MID1: variants seen among roughly 807,000 people sequenced by gnomAD.
The protein encoded by MID1 is midline 1.
In MID1, 7 loss-of-function variants were observed where a neutral mutation model predicts 40.4. The observed-to-expected ratio is 0.17, with a 90% confidence interval of 0.10 to 0.33. The LOEUF is 0.33. Ranked by LOEUF, MID1 falls within the 10% of genes least tolerant of loss-of-function variation. The pLI is 1.00. For synonymous variants in MID1, 229 were observed against 221.2 expected (o/e 1.04, Z -0.31); for missense variants, 367 against 558.5 (o/e 0.66, Z 3.46).
chrX:10,507,785 C>T (rs192940242), intron 3 of MID1, among the ~76,000 whole-genome samples: 1 of 112,635 alleles, frequency 8.9e-6, no homozygotes, highest in African/African-American at 3.2e-5. Context: ...CAAACACTCT[C>T]CTCTTGCAAA....
intron 1 of MID1, among the ~76,000 whole-genome samples, chrX:10,782,886 G>C (rs978704387): frequency 4.5e-5 from 5 of 111,431 alleles, no homozygotes; most frequent in Admixed American, 9.6e-5. Context: ...TGTTAGACAA[G>C]CAGAATTGCA....
intron 5 of MID1, among the ~76,000 whole-genome samples, chrX:10,475,363 G>A (rs986462041): frequency 4.5e-5 from 5 of 112,184 alleles, no homozygotes; most frequent in African/African-American, 1.6e-4. Flanking sequence ...AGCAGATGCT[G>A]TGGAAAATAT....
intron 3 of MID1, among the ~76,000 whole-genome samples, chrX:10,504,778 A>G (rs1931743809): frequency 9.1e-6 from 1 of 109,591 alleles, no homozygotes; most frequent in Non-Finnish European, 1.9e-5. Context: ...TTTTTTTGTA[A>G]AGGCCTAGAT....
chrX:10,669,310 C>G lies in MID1; in HGVS notation c.-186-48891G>C, dbSNP rs771477774. Among the ~76,000 whole-genome samples, 4 of 104,964 alleles carry G rather than the reference C, an allele frequency of 3.8e-5. No individual in the cohort carries two copies. In the East Asian group the frequency reaches 9.9e-4, roughly 26 times the overall value. The allele number at this position is 104,964 out of a possible 115,157, so 91.1% of individuals were successfully genotyped here. On this transcript the variant is annotated intron_variant, in intron 1 of 10. Coordinates refer to the MID1 transcript ENST00000380785. ...TGGTGGATGAATAAATCTGAACAAA[C>G]TTTCCCTTTCAACATCATAGTCAGT... is the stretch of plus-strand genomic sequence containing the variant.
At chrX:10,624,695 CA>C (rs919377570), upstream of MID1, among the ~76,000 whole-genome samples, 6 of 111,996 alleles carry the variant, frequency 5.4e-5, no homozygotes, top group African/African-American at 1.9e-4. Flanking sequence ...ACTGCACCCT[CA>C]ACCGTCTGGA....
chrX:10,606,042 C>G (rs1375172806), intron 1 of MID1, among the ~76,000 whole-genome samples: 2 of 111,621 alleles, frequency 1.8e-5, no homozygotes, highest in Non-Finnish European at 3.8e-5. Context: ...TTCATGATAA[C>G]TACTATCCAA....
At chrX:10,681,074 A>AATG (rs1555914640) in intron 1 of MID1, among the ~76,000 whole-genome samples, 12 of 101,295 alleles carry the variant, frequency 1.2e-4, no homozygotes, top group South Asian at 4.6e-4. Context: ...TAATAATAAT[A>AATG]ATGCTACACA....
chrX:10,552,159 T>A (rs1403955373), intron 2 of MID1, among the ~76,000 whole-genome samples: 1 of 76,479 alleles, frequency 1.3e-5, no homozygotes, highest in African/African-American at 5.9e-5. Flanking sequence ...CATGCAATTA[T>A]GAAGGAGTGG....
rs750976392 is a variant in MID1, at chrX:10,532,134, T to G, written c.661-8947A>C. ...CTCTCTGGCAGCCCTCTCTGCTCATTTGCCCTTGTTCAACTTCTGAATCCT... is the reference window on the plus strand; with the variant it reads ...CTCTCTGGCAGCCCTCTCTGCTCATGTGCCCTTGTTCAACTTCTGAATCCT... On this transcript the variant is annotated intron_variant, in intron 2 of 9. Coordinates refer to ENST00000317552, the MANE Select transcript of MID1 (RefSeq NM_000381.4). 2.7e-5 allele frequency among the ~76,000 whole-genome samples: 3 copies of G among 111,836 alleles called. No homozygotes were observed. In the East Asian group the frequency reaches 8.5e-4, roughly 32 times the overall value.
At chrX:10,822,853 A>G (rs1219495788) in intron 1 of MID1, among the ~76,000 whole-genome samples, 1 of 112,132 alleles carries the variant, frequency 8.9e-6, no homozygotes, top group Non-Finnish European at 1.9e-5. Flanking sequence ...GAGAAAAAGG[A>G]AGACTTTTAC....
chrX:10,739,023 G>C (rs2043505279), intron 1 of MID1, among the ~76,000 whole-genome samples: 1 of 110,030 alleles, frequency 9.1e-6, no homozygotes, highest in Non-Finnish European at 1.9e-5. Flanking sequence ...GGTTTATTTT[G>C]TTTTATTTTG....
intron 7 of MID1, among the ~76,000 whole-genome samples, chrX:10,461,595 G>C (rs1000534030): frequency 9.0e-6 from 1 of 111,488 alleles, no homozygotes; most frequent in Non-Finnish European, 1.9e-5. Flanking sequence ...AATCAAAGAA[G>C]GGTCATTTTG....
At chrX:10,623,266 A>C (rs1458802731), upstream of MID1, among the ~76,000 whole-genome samples, 1 of 101,862 alleles carries the variant, frequency 9.8e-6, no homozygotes, top group Non-Finnish European at 2.0e-5. Context: ...AAAAAAAATA[A>C]AGAAAGGAAA....
intron 3 of MID1, among the ~76,000 whole-genome samples, chrX:10,508,306 G>C (rs1049593058): frequency 8.9e-6 from 1 of 112,420 alleles, no homozygotes; most frequent in Non-Finnish European, 1.9e-5. Context: ...TGGTTAGTCT[G>C]AATTGAGATG....
Position 10,482,587 on chromosome X carries a change from G to A in MID1, c.906C>T (p.Cys302=), listed in dbSNP as rs1349303610. ...LRKLAQQIAN[C]KQCIERSASL... ...ATGCTGACCGCTCAATGCACTGTTT[G>A]CAGTTTGCAATCTGCTGAGCCAGTT... The change falls in exon 5 of 10, where the codon TGC becomes TGT. Residue 302 remains cysteine, a synonymous_variant. Transcript: ENST00000317552. 5 of 1,210,822 alleles carry A rather than the reference G, an allele frequency of 4.1e-6. No homozygotes were observed. Among genetic ancestry groups the A allele is most frequent in the Non-Finnish European group, 5.6e-6 (5 of 895,090 alleles).
chrX:10,784,618 GT>G (rs1420504354), intron 1 of MID1, among the ~76,000 whole-genome samples: 1 of 108,577 alleles, frequency 9.2e-6, no homozygotes, highest in Non-Finnish European at 1.9e-5. Context: ...GCTAATTTTT[GT>G]ATTTTTAGTA....
rs1297814906 is a variant in MID1 at position 10,757,634 on chromosome X, C to G, written c.-187+75920G>C. 2.7e-5 allele frequency among the ~76,000 whole-genome samples: 3 copies of G among 111,951 alleles called. No individual in the cohort carries two copies. In the Admixed American group the frequency reaches 2.8e-4, roughly 11 times the overall value. ...CTGAAACTATCTCATTAGAAAAGAA[C>G]TTTTTCATTATTGAAACTTTACATC... is the stretch of plus-strand genomic sequence containing the variant. On this transcript the variant is annotated intron_variant, in intron 1 of 10. Transcript: ENST00000380785.
chrX:10,498,063 A>T (rs7065868), intron 3 of MID1, among the ~76,000 whole-genome samples: 7,827 of 111,331 alleles, frequency 0.07, 579 homozygotes, highest in African/African-American at 0.21. Context: ...CAAAATTATG[A>T]CCTAAGGATT....
intron 1 of MID1, among the ~76,000 whole-genome samples, chrX:10,663,423 G>C (rs1293296430): frequency 8.9e-6 from 1 of 112,150 alleles, no homozygotes; most frequent in Non-Finnish European, 1.9e-5. Flanking sequence ...CTTTCTCTGA[G>C]CATGATGTAG....
Sources: allele counts gnomAD v4.1 joint callset (sites outside exome capture counted in the v4.1 genomes callset), GRCh38; gene constraint gnomAD v4.1.1; transcripts MANE v1.5; gene names NCBI Gene and HGNC (gene_info 2026-07-23, HGNC 2026-07-21).